The following CAST variants were observed in gnomAD, a reference collection of about 807,000 sequenced individuals.
The protein encoded by CAST is calpastatin, also known as MIR583 host.
A neutral mutation model predicts 119.6 loss-of-function variants in CAST; 76 were observed. The ratio of observed to expected loss-of-function variants is 0.64; its 90% confidence interval spans 0.53 to 0.77. CAST has a LOEUF of 0.77. Among genes scored for constraint, CAST ranks in the 30% least tolerant of loss-of-function variants. The pLI is 0.00. For missense variants in CAST, 953 were observed against 946.5 expected (o/e 1.01, Z -0.09); for synonymous variants, 319 against 331.6 (o/e 0.96, Z 0.41).
At chr5:96,546,854 A>G (rs967250451) in intron 1 of CAST, among the ~76,000 whole-genome samples, 13 of 152,166 alleles carry the variant, frequency 8.5e-5, no homozygotes, top group African/African-American at 2.9e-4. Flanking sequence ...TTCAATTAAC[A>G]TAGTGTCATC....
intron 1 of CAST, among the ~76,000 whole-genome samples, chr5:96,640,907 C>T (rs155053): frequency 0.37 from 56,411 of 151,982 alleles, 11,537 homozygotes; most frequent in East Asian, 0.54. Context: ...GTAAAGTCTC[C>T]GTTATTCCTG....
the CAST span, among the ~76,000 whole-genome samples, chr5:96,442,392 G>A: frequency 6.6e-6 from 1 of 152,168 alleles, no homozygotes; most frequent in African/African-American, 2.4e-5. Flanking sequence ...TCTGTCTTCT[G>A]CCATTTTCTT....
intron 1 of CAST, among the ~76,000 whole-genome samples, chr5:96,606,280 G>T (rs1747253964): frequency 6.6e-6 from 1 of 152,254 alleles, no homozygotes. Context: ...TTTGGAAGCA[G>T]TTAACCAGTA....
chr5:96,354,047 T>C, the CAST span, among the ~76,000 whole-genome samples: 1 of 152,190 alleles, frequency 6.6e-6, no homozygotes, highest in African/African-American at 2.4e-5. Context: ...GATTCTCTTC[T>C]TTCTCTCATA....
chr5:96,596,752 T>C (rs937344030), intron 1 of CAST, among the ~76,000 whole-genome samples: 1 of 152,164 alleles, frequency 6.6e-6, no homozygotes, highest in South Asian at 2.1e-4. Flanking sequence ...TACAGCACCA[T>C]GTTGAGAATC....
At chr5:96,023,380 A>C in the CAST span, among the ~76,000 whole-genome samples, 1 of 152,214 alleles carries the variant, frequency 6.6e-6, no homozygotes, top group Non-Finnish European at 1.5e-5. Context: ...ATCACAACCT[A>C]AATAAAGTTT....
chr5:96,131,029 T>C, the CAST span, among the ~76,000 whole-genome samples: 1 of 152,054 alleles, frequency 6.6e-6, no homozygotes, highest in East Asian at 1.9e-4. Flanking sequence ...TCCCAATCTA[T>C]CCTACAGCAA....
intron 1 of CAST, among the ~76,000 whole-genome samples, chr5:96,561,796 G>GTTTTTTTGTTTTTTTTTTTTTTTTT (rs1267067922): frequency 1.8e-4 from 18 of 97,424 alleles, no homozygotes; most frequent in South Asian, 4.2e-4. Flanking sequence ...GTTTTTTTTT[G>GTTTTTTTGTTTTTTTTTTTTTTTTT]TTTTTTTTTT....
chr5:96,735,684 A>G (rs1193000819), intron 9 of CAST, among the ~76,000 whole-genome samples: 1 of 152,236 alleles, frequency 6.6e-6, no homozygotes. Context: ...AGTTGTTTGC[A>G]GTCTTTGATA....
At chr5:96,090,627 CTTT>C in the CAST span, among the ~76,000 whole-genome samples, 1 of 91,056 alleles carries the variant, frequency 1.1e-5, no homozygotes. Flanking sequence ...TTTTAAAAGA[CTTT>C]TTTATGTTTT....
rs758414012 is a variant in CAST, at chr5:96,574,026, C to CT, written c.60+44188dup. 5.0e-3 allele frequency among the ~76,000 whole-genome samples: 34 copies of CT among 6,846 alleles called. 14 individuals carry two copies. The highest frequency in any genetic ancestry group is 6.7e-3 in the Non-Finnish European group (30 of 4,498). The allele number at this position is 6,846 out of a possible 152,430, so 4.5% of individuals were successfully genotyped here. ...CAAACATCACACATTTGCCCACTTT[C>CT]TTTTTTTTTTTTTTTTTTTTTTTTT... On this transcript the variant is annotated intron_variant, in intron 1 of 11. Coordinates refer to the CAST transcript ENST00000505143.
chr5:96,732,132 G>A (rs1182846242), intron 9 of CAST, among the ~76,000 whole-genome samples: 1 of 138,702 alleles, frequency 7.2e-6, no homozygotes, highest in Non-Finnish European at 1.6e-5. Flanking sequence ...GTGTAAAAGT[G>A]TTCCTATTTC....
At chr5:96,694,454 G>T (rs547146807) in intron 2 of CAST, among the ~76,000 whole-genome samples, 2 of 152,036 alleles carry the variant, frequency 1.3e-5, no homozygotes, top group Non-Finnish European at 2.9e-5. Context: ...TGGCTAACAC[G>T]CTGAAACCCT....
chr5:96,080,993 AC>A, the CAST span, among the ~76,000 whole-genome samples: 8 of 152,230 alleles, frequency 5.3e-5, no homozygotes, highest in Non-Finnish European at 4.4e-5. Flanking sequence ...AAGAGATGGC[AC>A]TTTCTTTTCT....
At chr5:96,349,144 T>A in the CAST span, among the ~76,000 whole-genome samples, 15 of 145,198 alleles carry the variant, frequency 1.0e-4, no homozygotes, top group African/African-American at 3.8e-4. Flanking sequence ...ACACTATTTT[T>A]TTTTTTTTTT....
the CAST span, among the ~76,000 whole-genome samples, chr5:96,323,610 G>T: frequency 6.6e-6 from 1 of 152,102 alleles, no homozygotes; most frequent in Non-Finnish European, 1.5e-5. Flanking sequence ...AAAGTCAGGA[G>T]CTTTGATGCT....
chr5:96,415,435 C>A, the CAST span, among the ~76,000 whole-genome samples: 67 of 152,346 alleles, frequency 4.4e-4, no homozygotes, highest in African/African-American at 1.4e-3. Context: ...CTGCCTACCA[C>A]TTCTTAGCCC....
the CAST span, among the ~76,000 whole-genome samples, chr5:96,412,752 G>GTTTTTTTTTTTTTGTTTTTTTTTT: frequency 4.2e-5 from 3 of 71,828 alleles, no homozygotes; most frequent in African/African-American, 2.7e-4. Flanking sequence ...CAGCTGTGAT[G>GTTTTTTTTTTTTTGTTTTTTTTTT]TTTTTTTTTT....
At position 96,748,409 on chromosome 5, in the gene CAST, A is replaced by G. The variant is rs115082628; in HGVS notation, c.1333-109A>G. On this transcript the variant is annotated intron_variant, in intron 18 of 31. Coordinates refer to ENST00000675179, the MANE Select transcript of CAST (RefSeq NM_001750.7). ...CTTTATAAATTAGCTTTGGGTGTTA[A>G]GTATGGCCTCATATGTGTTAATCAG... 3.7e-3 allele frequency: 1,766 copies of G among 483,598 alleles called. 10 individuals carry two copies. The highest frequency in any genetic ancestry group is 5.5e-3 in the Non-Finnish European group (1,458 of 266,122). 30.0% of individuals were successfully genotyped at this position (483,598 alleles called of 1,614,324 possible).
Sources: gnomAD v4.1 joint callset for allele counts (sites outside exome capture counted in the v4.1 genomes callset) on GRCh38, gnomAD v4.1.1 for gene constraint, MANE v1.5 for transcripts, NCBI Gene and HGNC (gene_info 2026-07-23, HGNC 2026-07-21) for gene names.